GRM6: variants seen among roughly 807,000 people sequenced by gnomAD.
The protein encoded by GRM6 is metabotropic glutamate receptor 6.
GRM6 carries 73 observed loss-of-function variants against 78.4 expected under a neutral mutation model. That is an observed-to-expected ratio of 0.93 (90% CI 0.77 to 1.13). The LOEUF (loss-of-function observed/expected upper bound fraction) is 1.13, where lower values mean the gene tolerates loss of function less well. Among genes scored for constraint, GRM6 ranks in the 50% most tolerant of loss-of-function variants. The pLI, the probability that GRM6 is intolerant of heterozygous loss-of-function variation, is 0.00. For missense variants in GRM6, 1,251 were observed against 1,256.4 expected, an observed-to-expected ratio of 1.00 and a Z score of 0.07; for synonymous variants, 580 against 555.0, an observed-to-expected ratio of 1.05 and a Z score of -0.63.
chr5:178,994,496 C>T lies in GRM6; in HGVS notation c.449G>A (p.Gly150Asp), dbSNP rs1760736925. 3 of 1,446,642 alleles carry T rather than the reference C, an allele frequency of 2.1e-6. No individual in the cohort carries two copies. The highest frequency in any genetic ancestry group is 2.7e-6 in the Non-Finnish European group (3 of 1,103,968). The allele number at this position is 1,446,642 out of a possible 1,614,324, so 89.6% of individuals were successfully genotyped here. ...GATGGAGACGGAGCTGGCCGAGGCG[C>T]CCACGACGGCCACGACGCGCTCGGG... ...APPERVVAVV[G>D]ASASSVSIMV... The change falls in exon 2 of 11, where the codon GGC (glycine) becomes GAC (aspartate). Residue 150 changes from glycine to aspartate, a missense_variant. Transcript: ENST00000517717.
intron 9 of GRM6, chr5:178,985,543 A>C: frequency 5.9e-6 from 2 of 337,266 alleles, no homozygotes; most frequent in Non-Finnish European, 1.2e-5. Flanking sequence ...CTCTACTAAA[A>C]ATACAAAAAA....
Position 178,986,747 on chromosome 5 carries a change from C to G in GRM6, c.1507G>C (p.Ala503Pro). The change falls in exon 9 of 11, where the codon GCC becomes CCC. Residue 503 changes from alanine (A) to proline (P), a missense_variant. By Grantham distance (27) the Ala-to-Pro change is conservative. Coordinates refer to ENST00000517717, the MANE Select transcript of GRM6 (RefSeq NM_000843.4). ...WAETLRLDVE[A>P]LQWSGDPHEV... Reference sequence around the variant, plus strand: ...TGGGGGTCGCCAGACCACTGCAGGGCCTCCACCTGGGACGCACAAAACACA... The same window carrying G: ...TGGGGGTCGCCAGACCACTGCAGGGGCTCCACCTGGGACGCACAAAACACA... 1 of 1,607,654 alleles carries G rather than the reference C, an allele frequency of 6.2e-7. No homozygotes were observed. The highest frequency in any genetic ancestry group is 8.5e-7 in the Non-Finnish European group (1 of 1,179,356).
rs773241998 is a variant in GRM6 at position 178,986,512 on chromosome 5, C to A, written c.1742G>T (p.Trp581Leu). The part of the protein sequence containing the change: ...CRPTPVVRLS[W>L]SSPWAAPPLL... ...CGGCGGGGCTGCCCAGGGGGAGGAC[C>A]AGCTCAGGCGCACCACAGGTGTGGG... The change falls in exon 9 of 11, where the codon TGG becomes TTG. Residue 581 changes from tryptophan to leucine, a missense_variant. Physicochemically the swap from Trp to Leu is moderately conservative, Grantham distance 61 (BLOSUM62 -2). Coordinates refer to ENST00000517717, the MANE Select transcript of GRM6 (RefSeq NM_000843.4). The A allele has an allele frequency of 2.5e-6, 4 of 1,608,964 alleles. No homozygotes were observed. In the African/African-American group the frequency reaches 4.0e-5, roughly 16 times the overall value.
chr5:178,993,717 C>T (rs1326863565), intron 2 of GRM6, among the ~76,000 whole-genome samples: 2 of 152,120 alleles, frequency 1.3e-5, no homozygotes, highest in African/African-American at 2.4e-5. Context: ...TATGCCAAAG[C>T]CCTCCTAATC....
intron 5 of GRM6, 57 bp from the exon 6 acceptor site, chr5:178,989,462 C>T (rs2113338016): frequency 6.2e-7 from 1 of 1,608,662 alleles, no homozygotes; most frequent in South Asian, 1.1e-5. Context: ...TGTGTTTCTC[C>T]TGTGTCTCTC....
chr5:178,984,745 A>G (rs1399254320), intron 9 of GRM6, among the ~76,000 whole-genome samples: 1 of 152,148 alleles, frequency 6.6e-6, no homozygotes, highest in Admixed American at 6.5e-5. Context: ...CCTCCTAGTC[A>G]CGGAGAACTG....
At position 178,981,807 on chromosome 5, in the gene GRM6, G is replaced by A; in HGVS notation, c.2484C>T (p.Ala828=). Reference sequence around the variant, plus strand: ...CGTAGAGCATGCCGAGGGACACCGAGGCACTCAGGCTCAAGGACACGGTTA... The same window carrying A: ...CGTAGAGCATGCCGAGGGACACCGAAGCACTCAGGCTCAAGGACACGGTTA... ...TTLTVSLSLS[A]SVSLGMLYVP... The change falls in exon 11 of 11, where the codon GCC becomes GCT. Residue 828 remains alanine (A), a synonymous_variant. Transcript: ENST00000517717. The surrounding 1 kb of genome is among the most constrained non-coding windows in gnomAD (Gnocchi z 5.1). 6.2e-7 allele frequency: 1 copy of A among 1,613,256 alleles called. No homozygotes were observed. Among genetic ancestry groups the A allele is most frequent in the South Asian group, 1.1e-5 (1 of 91,076 alleles).
chr5:178,992,189 A>G lies in GRM6; in HGVS notation c.505-106T>C, dbSNP rs1166951234. 1.4e-5 allele frequency: 11 copies of G among 780,590 alleles called. No homozygotes were observed. Among genetic ancestry groups the G allele is most frequent in the Non-Finnish European group, 2.4e-5 (11 of 456,916 alleles). The allele number at this position is 780,590 out of a possible 1,614,324, so 48.4% of individuals were successfully genotyped here. On this transcript the variant is annotated intron_variant, in intron 2 of 10. Coordinates refer to ENST00000517717, the MANE Select transcript of GRM6 (RefSeq NM_000843.4). This position sits in a 1 kb window ranked among gnomAD's most constrained non-coding sequence, Gnocchi z 4.9. ...GGACGGGGCACAGAAGGTGTGTGGCATGGACCTGGGACACAGATGGGAGAT... is the reference window on the plus strand; with the variant it reads ...GGACGGGGCACAGAAGGTGTGTGGCGTGGACCTGGGACACAGATGGGAGAT...
Position 178,988,111 on chromosome 5 carries a change from T to C in GRM6, c.1354+824A>G, listed in dbSNP as rs369872818. Among the ~76,000 whole-genome samples the C allele has an allele frequency of 1.1e-3, 174 of 152,242 alleles. No homozygotes were observed. Among genetic ancestry groups the C allele is most frequent in the African/African-American group, 3.9e-3 (162 of 41,528 alleles). On this transcript the variant is annotated intron_variant, in intron 7 of 10. Transcript: ENST00000517717. This position sits in a 1 kb window ranked among gnomAD's most constrained non-coding sequence, Gnocchi z 6.0. Reference sequence around the variant, plus strand: ...TACACTTAAAAAATGGTTAAGGTGATACATTTTATATTATATGTATTTTAT... The same window carrying C: ...TACACTTAAAAAATGGTTAAGGTGACACATTTTATATTATATGTATTTTAT...
chr5:178,990,315 G>C (rs1247581655), intron 5 of GRM6, among the ~76,000 whole-genome samples: 1 of 152,116 alleles, frequency 6.6e-6, no homozygotes, highest in Non-Finnish European at 1.5e-5. Flanking sequence ...GAATGTCTTT[G>C]GCAGCACTAG....
At chr5:178,990,205 C>A in intron 5 of GRM6, 1 of 299,180 alleles carries the variant, frequency 3.3e-6, no homozygotes, top group South Asian at 3.6e-5. Context: ...TCCAGATCCA[C>A]AGGTAGGACT....
intron 9 of GRM6, 104 bp downstream of exon 9, chr5:178,986,026 T>G (rs532091366): frequency 9.4e-7 from 1 of 1,066,128 alleles, no homozygotes; most frequent in South Asian, 1.6e-5. Context: ...CCTCCAAAGG[T>G]GCTGGGACTA....
At chr5:178,990,557 G>A (rs749567443) in intron 5 of GRM6, 35 bp downstream of exon 5, 60 of 1,569,744 alleles carry the variant, frequency 3.8e-5, no homozygotes, top group Non-Finnish European at 4.8e-5. Context: ...CTGGGGAGAC[G>A]TGTGGGGTGG....
chr5:178,982,690 G>GAC (rs1440332609), intron 10 of GRM6: 1 of 301,582 alleles, frequency 3.3e-6, no homozygotes, highest in Non-Finnish European at 5.6e-6. Flanking sequence ...AAATGAAAAT[G>GAC]ATAAAAAAAA....
Position 178,981,947 on chromosome 5 carries a change from TG to T in GRM6, c.2437-94del. ...TCACCACATACTCTGGAGCTGAGTC[TG>T]TTTCAGTTGGGGAACTGGGAATGAG... On this transcript the variant is annotated intron_variant, in intron 10 of 10. Transcript: ENST00000517717. The surrounding 1 kb of genome is among the most constrained non-coding windows in gnomAD (Gnocchi z 5.1). The T allele has an allele frequency of 1.1e-6, 1 of 886,356 alleles. No homozygotes were observed. Among genetic ancestry groups the T allele is most frequent in the Non-Finnish European group, 1.9e-6 (1 of 520,280 alleles). The allele number at this position is 886,356 out of a possible 1,614,324, so 54.9% of individuals were successfully genotyped here.
intron 10 of GRM6, among the ~76,000 whole-genome samples, chr5:178,982,127 G>A (rs933033215): frequency 6.6e-6 from 1 of 152,184 alleles, no homozygotes; most frequent in Admixed American, 6.5e-5. Flanking sequence ...GTCAGTGAAT[G>A]AGCACGTTTC....
In GRM6 at chr5:178,982,926, G is replaced by A. The variant is rs17078874; in HGVS notation, c.2420C>T (p.Ala807Val). The change falls in exon 10 of 11, where the codon GCC (alanine) becomes GTC (valine). Residue 807 changes from alanine (A) to valine (V), a missense_variant. By Grantham distance (64) the Ala-to-Val change is moderately conservative. Coordinates refer to ENST00000517717, the MANE Select transcript of GRM6 (RefSeq NM_000843.4). ...LAFVPIFFGTAQSAEKIYIQT... is the reference protein window; with the variant it reads ...LAFVPIFFGTVQSAEKIYIQT... ...CCTCATTACCTTTTCAGCTGACTGG[G>A]CAGTGCCAAAGAAGATGGGCACGAA... 128,325 of 1,613,038 alleles carry A rather than the reference G, an allele frequency of 0.08. 5,640 individuals are homozygous for A. The highest frequency in any genetic ancestry group is 0.09 in the Non-Finnish European group (105,865 of 1,178,988).
At position 178,994,865 on chromosome 5, in the gene GRM6, G is replaced by T; in HGVS notation, c.80C>A (p.Ala27Glu). 8.3e-7 allele frequency: 1 copy of T among 1,204,190 alleles called. No individual in the cohort carries two copies. Among genetic ancestry groups the T allele is most frequent in the Non-Finnish European group, 1.0e-6 (1 of 968,358 alleles). 74.6% of individuals were successfully genotyped at this position (1,204,190 alleles called of 1,614,324 possible). A position where few individuals can be genotyped will look rare whatever the true frequency, so the allele number is the denominator to read the frequency against. ...PLAWLAQAGL[A>E]RAAGSVRLAG... The stretch of plus-strand genomic sequence containing the variant: ...CAGGCGCACAGAGCCCGCCGCGCGC[G>T]CCAGGCCCGCCTGCGCCAGCCACGC... Residue 27 changes from alanine (A) to glutamate (E), a missense_variant, in exon 2 of 11, where the codon GCG (alanine) becomes GAG (glutamate). Coordinates refer to ENST00000517717, the MANE Select transcript of GRM6 (RefSeq NM_000843.4).
chr5:178,982,701 A>AG (rs1561715118), intron 10 of GRM6: 2 of 540,382 alleles, frequency 3.7e-6, no homozygotes, highest in Admixed American at 6.6e-5. Flanking sequence ...ATAAAAAAAA[A>AG]AAAGAAAAAA....
Sources: gnomAD v4.1 joint callset for allele counts (sites outside exome capture counted in the v4.1 genomes callset) on GRCh38, gnomAD v4.1.1 for gene constraint, Gnocchi (gnomAD v3.1) non-coding constraint, MANE v1.5 for transcripts, NCBI Gene and HGNC (gene_info 2026-07-23, HGNC 2026-07-21) for gene names.